The following VASN variants were observed in gnomAD, a reference collection of about 807,000 sequenced individuals.
The protein encoded by VASN is vasorin.
Under a neutral mutation model 4.8 loss-of-function variants are expected in VASN, and 5 were observed. The observed-to-expected ratio is 1.03, with a 90% CI of 0.54 to 2.17. VASN has a LOEUF of 2.17. Ranked by LOEUF, VASN falls within the 30% of genes most tolerant of loss-of-function variation. The probability of loss-of-function intolerance (pLI) is 0.01; values close to 1 mark genes in which losing one functional copy is unlikely to be tolerated. For synonymous variants in VASN, 499 were observed against 460.8 expected, an observed-to-expected ratio of 1.08 and a Z score of -1.06; for missense variants, 927 against 948.8, an observed-to-expected ratio of 0.98 and a Z score of 0.30.
chr16:4,379,807 C>A (rs535526497), intron 1 of VASN, among the ~76,000 whole-genome samples: 2 of 150,066 alleles, frequency 1.3e-5, no homozygotes, highest in East Asian at 2.0e-4. Context: ...CTTTTGGAGG[C>A]TGAGGCGGGC....
chr16:4,382,996 T>A lies in VASN; in HGVS notation c.*97T>A. On this transcript the variant is annotated 3_prime_UTR_variant, in exon 2 of 2. Transcript: ENST00000304735. ...ACCACGTAAGTTCTCAGTCCCAACC[T>A]CGGGGATGTGTGCAGACAGGGCTGT... is the stretch of plus-strand genomic sequence containing the variant. 1 of 1,310,274 alleles carries A rather than the reference T, an allele frequency of 7.6e-7. No individual in the cohort carries two copies. Among genetic ancestry groups the A allele is most frequent in the South Asian group, 1.6e-5 (1 of 63,894 alleles). 81.2% of individuals were successfully genotyped at this position (1,310,274 alleles called of 1,614,324 possible).
chr16:4,380,655 A>C (rs1185268099), intron 1 of VASN, among the ~76,000 whole-genome samples: 1 of 152,166 alleles, frequency 6.6e-6, no homozygotes, highest in Admixed American at 6.5e-5. Context: ...ATGCCCCATG[A>C]TGACCTCTGT....
In VASN at chr16:4,382,494, G is replaced by A; in HGVS notation, c.1617G>A (p.Gly539=). 1 of 1,596,640 alleles carries A rather than the reference G, an allele frequency of 6.3e-7. No homozygotes were observed. Among genetic ancestry groups the A allele is most frequent in the Non-Finnish European group, 8.5e-7 (1 of 1,171,360 alleles). The part of the protein sequence containing the change: ...ATYSVCVMPL[G]PGRVPEGEEA... ...ACTCCGTCTGTGTCATGCCTTTGGGGCCCGGGCGGGTGCCGGAGGGCGAGG... is the reference window on the plus strand; with the variant it reads ...ACTCCGTCTGTGTCATGCCTTTGGGACCCGGGCGGGTGCCGGAGGGCGAGG... The change falls in exon 2 of 2, where the codon GGG becomes GGA. Residue 539 remains glycine (G), a synonymous_variant. Transcript: ENST00000304735.
chr16:4,383,139 G>A lies in VASN; in HGVS notation c.*240G>A, dbSNP rs564071007. Reference sequence around the variant, plus strand: ...CCGAGTGCCTATGAGGACAGTGTCCGCCCTGCCCTCCGCAACGTGCAGTCC... The same window carrying A: ...CCGAGTGCCTATGAGGACAGTGTCCACCCTGCCCTCCGCAACGTGCAGTCC... On this transcript the variant is annotated 3_prime_UTR_variant, in exon 2 of 2. Transcript: ENST00000304735. 3.6e-5 allele frequency: 18 copies of A among 502,276 alleles called. No homozygotes were observed. Among genetic ancestry groups the A allele is most frequent in the African/African-American group, 1.2e-4 (6 of 49,556 alleles). 31.1% of individuals were successfully genotyped at this position (502,276 alleles called of 1,614,324 possible). A position where few individuals can be genotyped will look rare whatever the true frequency, so the allele number is the denominator to read the frequency against.
intron 1 of VASN, among the ~76,000 whole-genome samples, chr16:4,379,760 A>C (rs1020033554): frequency 6.6e-6 from 1 of 151,776 alleles, no homozygotes; most frequent in African/African-American, 2.4e-5. Context: ...ACAGTAGACG[A>C]AGCCGGGCAC....
At chr16:4,380,769 G>A in intron 1 of VASN, 100 bp from the exon 2 acceptor site, 1 of 1,291,488 alleles carries the variant, frequency 7.7e-7, no homozygotes, top group Non-Finnish European at 1.0e-6. Flanking sequence ...TCTTGCATTT[G>A]GGGGCAGAAG....
chr16:4,381,175 G>T lies in VASN; in HGVS notation c.298G>T (p.Ala100Ser). ...GCCCAGCGGGGTCTTCCAGCCACTC[G>T]CCAACCTCAGCAACCTGGACCTGAC... ...SLPSGVFQPL[A>S]NLSNLDLTAN... is the part of the protein sequence containing the mutation. The change falls in exon 2 of 2, where the codon GCC (alanine) becomes TCC (serine). Residue 100 changes from alanine (A) to serine (S), a missense_variant. By Grantham distance (99) the Ala-to-Ser change is moderately conservative. Coordinates refer to ENST00000304735, the MANE Select transcript of VASN (RefSeq NM_138440.3). The T allele has an allele frequency of 6.2e-7, 1 of 1,611,744 alleles. No individual in the cohort carries two copies. Among genetic ancestry groups the T allele is most frequent in the Non-Finnish European group, 8.5e-7 (1 of 1,179,234 alleles).
chr16:4,377,171 C>T (rs11644346), intron 1 of VASN, among the ~76,000 whole-genome samples: 1,903 of 152,304 alleles, frequency 0.012, 18 homozygotes, highest in Non-Finnish European at 0.02. Flanking sequence ...GGCTGAGGAA[C>T]TTGGGTGGAG....
Position 4,381,660 on chromosome 16 carries a change from C to A in VASN, c.783C>A (p.Ala261=). Residue 261 remains alanine, a synonymous_variant, in exon 2 of 2, where the codon GCC becomes GCA. Coordinates refer to ENST00000304735, the MANE Select transcript of VASN (RefSeq NM_138440.3). The stretch of plus-strand genomic sequence containing the variant: ...CCCAGCTGCGGCCCGAGGACCTGGC[C>A]GGCCTGGCTGCCCTGCAGGAGCTGG... ...RIAQLRPEDL[A]GLAALQELDV... is the part of the protein sequence containing the mutation. 6.2e-7 allele frequency: 1 copy of A among 1,603,830 alleles called. No homozygotes were observed.
At chr16:4,374,691 A>G (rs913023819) in intron 1 of VASN, among the ~76,000 whole-genome samples, 4 of 152,138 alleles carry the variant, frequency 2.6e-5, no homozygotes, top group Non-Finnish European at 5.9e-5. Flanking sequence ...CCGCCTGCCC[A>G]TTGATCAGCT....
chr16:4,380,818 T>G (rs2054928797), intron 1 of VASN, 51 bp from the exon 2 acceptor site: 3 of 1,426,312 alleles, frequency 2.1e-6, no homozygotes, highest in Non-Finnish European at 2.7e-6. Context: ...GTGTCTGCCT[T>G]CTAGGCCCCT....
At chr16:4,374,146 G>T (rs1296329267) in intron 1 of VASN, among the ~76,000 whole-genome samples, 2 of 151,178 alleles carry the variant, frequency 1.3e-5, no homozygotes, top group African/African-American at 4.9e-5. Flanking sequence ...TCTGGCGTGG[G>T]CGTGTCTGTG....
intron 1 of VASN, among the ~76,000 whole-genome samples, chr16:4,379,623 G>T (rs1442235089): frequency 4.6e-5 from 7 of 152,068 alleles, no homozygotes; most frequent in Non-Finnish European, 7.4e-5. Flanking sequence ...TGAGGTGACG[G>T]TAAACACTTA....
Position 4,381,884 on chromosome 16 carries a change from G to C in VASN, c.1007G>C (p.Gly336Ala). Residue 336 changes from glycine (G) to alanine (A), a missense_variant, in exon 2 of 2, where the codon GGC (glycine) becomes GCC (alanine). Gly to Ala is a moderately conservative substitution (Grantham distance 60, BLOSUM62 0). Coordinates refer to ENST00000304735, the MANE Select transcript of VASN (RefSeq NM_138440.3). ...TGCCACTTCCCGCCCAAGAACGCTG[G>C]CCGGCTGCTCCTGGAGCTTGACTAC... ...TRCHFPPKNA[G>A]RLLLELDYAD... 6.2e-7 allele frequency: 1 copy of C among 1,604,966 alleles called. No homozygotes were observed. The highest frequency in any genetic ancestry group is 1.7e-5 in the Admixed American group (1 of 59,920).
rs1248519356 is a variant in VASN at position 4,382,582 on chromosome 16, G to C, written c.1705G>C (p.Ala569Pro). The C allele has an allele frequency of 2.5e-6, 4 of 1,587,658 alleles. No homozygotes were observed. In the East Asian group the frequency reaches 7.0e-5, roughly 28 times the overall value. Reference protein sequence around the residue: ...VHSNHAPVTQAREGNLPLLIA... With the variant: ...VHSNHAPVTQPREGNLPLLIA... Reference sequence around the variant, plus strand: ...CTCCAACCACGCCCCAGTCACCCAGGCCCGCGAGGGCAACCTGCCGCTCCT... The same window carrying C: ...CTCCAACCACGCCCCAGTCACCCAGCCCCGCGAGGGCAACCTGCCGCTCCT... The change falls in exon 2 of 2, where the codon GCC becomes CCC. Residue 569 changes from alanine to proline, a missense_variant. Transcript: ENST00000304735.
chr16:4,376,547 A>G (rs946592698), intron 1 of VASN, among the ~76,000 whole-genome samples: 7 of 152,140 alleles, frequency 4.6e-5, no homozygotes, highest in Non-Finnish European at 1.0e-4. Context: ...CGCCTGCCCC[A>G]GAATCAGTGA....
intron 1 of VASN, among the ~76,000 whole-genome samples, chr16:4,378,063 C>A (rs1323105065): frequency 1.3e-5 from 2 of 152,194 alleles, no homozygotes; most frequent in South Asian, 4.1e-4. Context: ...TATGGCTGGT[C>A]CCCCTCCCCA....
rs1338593862 is a variant in VASN, at chr16:4,382,317, G to A, written c.1440G>A (p.Leu480=). The change falls in exon 2 of 2, where the codon CTG becomes CTA. Residue 480 remains leucine, a synonymous_variant. Coordinates refer to ENST00000304735, the MANE Select transcript of VASN (RefSeq NM_138440.3). The stretch of plus-strand genomic sequence containing the variant: ...GCCCCACCTCCCTGCGCGTGGGGCT[G>A]CAGCGCTACCTCCAGGGGAGCTCCG... The part of the protein sequence containing the change: ...PVSPTSLRVG[L]QRYLQGSSVQ... The A allele has an allele frequency of 6.2e-7, 1 of 1,610,980 alleles. No homozygotes were observed. The highest frequency in any genetic ancestry group is 8.5e-7 in the Non-Finnish European group (1 of 1,179,280).
Position 4,382,124 on chromosome 16 carries a change from A to G in VASN, c.1247A>G (p.Asn416Ser), listed in dbSNP as rs1047384831. The change falls in exon 2 of 2, where the codon AAT (asparagine) becomes AGT (serine). Residue 416 changes from asparagine (N) to serine (S), a missense_variant. Transcript: ENST00000304735. ...PQDCPPSTCLNGGTCHLGTRH... is the reference protein window; with the variant it reads ...PQDCPPSTCLSGGTCHLGTRH... ...GACTGCCCACCGTCCACCTGCCTCA[A>G]TGGGGGCACATGCCACCTGGGGACA... The G allele has an allele frequency of 5.7e-6, 9 of 1,588,410 alleles. No individual in the cohort carries two copies. The highest frequency in any genetic ancestry group is 1.3e-5 in the African/African-American group (1 of 74,460).
Sources: gnomAD v4.1 joint callset for allele counts (sites outside exome capture counted in the v4.1 genomes callset) on GRCh38, gnomAD v4.1.1 for gene constraint, MANE v1.5 for transcripts, NCBI Gene and HGNC (gene_info 2026-07-23, HGNC 2026-07-21) for gene names.